Variants in MPP1 observed in about 807,000 individuals in gnomAD.
MPP1 encodes the protein MAGUK p55 scaffold protein 1.
MPP1 carries 6 observed loss-of-function variants against 38.2 expected under a neutral mutation model. That is an observed-to-expected ratio of 0.16 (90% confidence interval 0.09 to 0.31). The LOEUF (loss-of-function observed/expected upper bound fraction) is 0.31. Ranked by LOEUF, MPP1 falls within the 10% of genes least tolerant of loss-of-function variation. The probability of loss-of-function intolerance (pLI) is 1.00; values close to 1 mark genes in which losing one functional copy is unlikely to be tolerated. For synonymous variants in MPP1, 153 were observed against 146.3 expected, an observed-to-expected ratio of 1.05 and a Z score of -0.33; for missense variants, 293 against 368.9, an observed-to-expected ratio of 0.79 and a Z score of 1.69.
At chrX:154,799,968 A>G in intron 1 of MPP1, 1 of 889,473 alleles carries the variant, frequency 1.1e-6, no homozygotes, top group Non-Finnish European at 1.5e-6. Flanking sequence ...AGCAGGGGCA[A>G]CTGAAGTTGG....
intron 5 of MPP1, among the ~76,000 whole-genome samples, chrX:154,786,758 T>A (rs1483163676): frequency 9.2e-6 from 1 of 108,654 alleles, no homozygotes; most frequent in African/African-American, 3.4e-5. Flanking sequence ...TAGCTGGGTG[T>A]GGTGGCGTGC....
rs1255343788 is a variant in MPP1, at chrX:154,779,469, G to A, written c.1225-116C>T. On this transcript the variant is annotated intron_variant, in intron 11 of 11. Transcript: ENST00000369534. ...TGCTCAGCTGTGCATCATACTTGAC[G>A]AGTCAAATTCAGAAGACATTGTGAA... The A allele has an allele frequency of 1.1e-5, 7 of 662,407 alleles. No homozygotes were observed. In the African/African-American group the frequency reaches 1.3e-4, roughly 13 times the overall value. The allele number at this position is 662,407 out of a possible 1,213,427, so 54.6% of individuals were successfully genotyped here. A position where few individuals can be genotyped will look rare whatever the true frequency, so the allele number is the denominator to read the frequency against.
At position 154,786,552 on chromosome X, in the gene MPP1, C is replaced by T. The variant is rs185131877; in HGVS notation, c.481-152G>A. 1.7e-3 allele frequency: 890 copies of T among 525,893 alleles called. 14 individuals carry two copies. In the East Asian group the frequency reaches 0.028, roughly 16 times the overall value. 43.3% of individuals were successfully genotyped at this position (525,893 alleles called of 1,213,427 possible). On this transcript the variant is annotated intron_variant, in intron 5 of 11. Transcript: ENST00000369534. ...AGCACCCAAGAAAGAGAAATTGAAA[C>T]GCTGAAGTGATTGTGTTTGCGGAGG...
intron 1 of MPP1, among the ~76,000 whole-genome samples, chrX:154,797,107 CAT>C (rs1557268228): frequency 8.9e-6 from 1 of 112,188 alleles, no homozygotes; most frequent in East Asian, 2.8e-4. Flanking sequence ...ATTTCGACCA[CAT>C]GTCTCTGTTT....
intron 2 of MPP1, 22 bp downstream of exon 2, chrX:154,792,120 C>A (rs782259947): frequency 1.7e-6 from 2 of 1,201,897 alleles, no homozygotes; most frequent in Non-Finnish European, 2.2e-6. Context: ...AACTGGTGGG[C>A]GACAATATGA....
Position 154,805,433 on chromosome X carries a change from G to A in MPP1, c.-60C>T, listed in dbSNP as rs2072312170. ...GGCAGCGCTGGGAATGACAGGGCCC[G>A]GGGCCTGCGGGGCTGCGGAGAAGGC... On this transcript the variant is annotated 5_prime_UTR_variant, in exon 1 of 12. Transcript: ENST00000369534. The A allele has an allele frequency of 1.9e-6, 2 of 1,034,759 alleles. No homozygotes were observed. Among genetic ancestry groups the A allele is most frequent in the Admixed American group, 2.7e-5 (1 of 37,395 alleles). The allele number at this position is 1,034,759 out of a possible 1,213,427, so 85.3% of individuals were successfully genotyped here.
chrX:154,800,311 C>T (rs782304571), intron 1 of MPP1, among the ~76,000 whole-genome samples: 1 of 112,538 alleles, frequency 8.9e-6, no homozygotes, highest in African/African-American at 3.2e-5. Flanking sequence ...GCCTAAGAGC[C>T]AGGATATTCT....
chrX:154,790,989 C>T lies in MPP1; in HGVS notation c.405G>A (p.Lys135=), dbSNP rs1250323540. 1 of 1,209,038 alleles carries T rather than the reference C, an allele frequency of 8.3e-7. No homozygotes were observed. Among genetic ancestry groups the T allele is most frequent in the Non-Finnish European group, 1.1e-6 (1 of 894,406 alleles). Reference sequence around the variant, plus strand: ...TAGCATAGAAAATACCCACCATCGCCTTCTGCAGCTGATCCACTGAATGAT... The same window carrying T: ...TAGCATAGAAAATACCCACCATCGCTTTCTGCAGCTGATCCACTGAATGAT... The part of the protein sequence containing the change: ...VTNHSVDQLQ[K]AMKETKGMIS... The change falls in exon 4 of 12, where the codon AAG becomes AAA. Residue 135 remains lysine, a synonymous_variant. Coordinates refer to ENST00000369534, the MANE Select transcript of MPP1 (RefSeq NM_002436.4).
At chrX:154,801,788 A>AAAAAAAAAAAAG (rs2072269173) in intron 1 of MPP1, among the ~76,000 whole-genome samples, 2 of 63,701 alleles carry the variant, frequency 3.1e-5, no homozygotes, top group Non-Finnish European at 5.5e-5. Flanking sequence ...AAAAAAAAAC[A>AAAAAAAAAAAAG]AAAAACAGAA....
chrX:154,794,528 A>C (rs1485742373), intron 1 of MPP1, among the ~76,000 whole-genome samples: 3 of 111,720 alleles, frequency 2.7e-5, no homozygotes, highest in African/African-American at 9.8e-5. Context: ...GTCTGCTGAA[A>C]ATAGGGGATA....
intron 2 of MPP1, 106 bp from the exon 3 acceptor site, chrX:154,791,953 C>A: frequency 1.1e-5 from 10 of 940,363 alleles, no homozygotes; most frequent in Non-Finnish European, 1.5e-5. Context: ...CCATTTATAC[C>A]CAGGATAGTC....
intron 5 of MPP1, among the ~76,000 whole-genome samples, 153 bp from the exon 6 acceptor site, chrX:154,786,553 G>A (rs1466742095): frequency 2.7e-5 from 3 of 111,355 alleles, no homozygotes; most frequent in Non-Finnish European, 5.7e-5. Flanking sequence ...AAATTGAAAC[G>A]CTGAAGTGAT....
intron 5 of MPP1, among the ~76,000 whole-genome samples, chrX:154,787,951 A>G (rs782427378): frequency 6.2e-5 from 7 of 112,778 alleles, no homozygotes; most frequent in East Asian, 5.5e-4. Context: ...TTACCATGAC[A>G]AAAGTGACAG....
intron 10 of MPP1, 67 bp downstream of exon 10, chrX:154,781,533 G>A: frequency 1.8e-6 from 2 of 1,104,345 alleles, no homozygotes; most frequent in Non-Finnish European, 2.5e-6. Context: ...GATTCCCAAG[G>A]AGCACTGTCT....
chrX:154,783,959 G>C, intron 8 of MPP1, 69 bp downstream of exon 8: 1 of 990,184 alleles, frequency 1.0e-6, no homozygotes, highest in Non-Finnish European at 1.4e-6. Context: ...TGCCTTTTTT[G>C]GGGGTGGGCA....
intron 1 of MPP1, among the ~76,000 whole-genome samples, chrX:154,793,162 AAAGT>A (rs2072160919): frequency 8.9e-6 from 1 of 112,259 alleles, no homozygotes; most frequent in Non-Finnish European, 1.9e-5. Context: ...AAACACTTTA[AAAGT>A]AAGAAGTCTA....
chrX:154,804,617 A>G (rs1039318398), intron 1 of MPP1: 2 of 314,970 alleles, frequency 6.3e-6, no homozygotes, highest in African/African-American at 5.4e-5. Flanking sequence ...AAAACGAAAT[A>G]TGAGAGACAA....
At chrX:154,788,896 C>A (rs928389005) in intron 5 of MPP1, among the ~76,000 whole-genome samples, 10 of 111,684 alleles carry the variant, frequency 9.0e-5, no homozygotes, top group African/African-American at 2.9e-4. Context: ...AGATGATTCC[C>A]ATAAACATAA....
intron 1 of MPP1, among the ~76,000 whole-genome samples, chrX:154,794,388 A>G (rs782467759): frequency 1.8e-5 from 2 of 111,505 alleles, no homozygotes; most frequent in Non-Finnish European, 3.8e-5. Context: ...ATGGGGAAAA[A>G]CTATGGAAAC....
Sources: gnomAD v4.1 joint callset for allele counts (sites outside exome capture counted in the v4.1 genomes callset) on GRCh38, gnomAD v4.1.1 for gene constraint, MANE v1.5 for transcripts, NCBI Gene and HGNC (gene_info 2026-07-23, HGNC 2026-07-21) for gene names.